SPG11: variants seen among roughly 807,000 people sequenced by gnomAD.
The protein encoded by SPG11 is spatacsin.
In SPG11, 222 loss-of-function variants were observed where a neutral mutation model predicts 274.0. That is an observed-to-expected ratio of 0.81 (90% CI 0.73 to 0.91). The LOEUF is 0.91. SPG11 is among the 40% of genes least tolerant of loss of function. The pLI, the probability that SPG11 is intolerant of heterozygous loss-of-function variation, is 0.00. For missense variants in SPG11, 3,114 were observed against 2,872.7 expected (o/e 1.08, Z -1.92); for synonymous variants, 1,144 against 1,039.7 (o/e 1.10, Z -1.93).
At chr15:44,615,083 C>A (rs1021205349) in intron 16 of SPG11, among the ~76,000 whole-genome samples, 1 of 152,184 alleles carries the variant, frequency 6.6e-6, no homozygotes, top group East Asian at 1.9e-4. Context: ...TCCTCTCAAA[C>A]CTTTTAAAGC....
chr15:44,617,094 C>G (rs2083608719), intron 15 of SPG11, among the ~76,000 whole-genome samples: 1 of 152,146 alleles, frequency 6.6e-6, no homozygotes. Flanking sequence ...CCAGTGTCCT[C>G]AGACTTCTGT....
At chr15:44,633,978 A>C (rs2084161913) in intron 7 of SPG11, among the ~76,000 whole-genome samples, 1 of 152,042 alleles carries the variant, frequency 6.6e-6, no homozygotes, top group Admixed American at 6.6e-5. Context: ...AGTTCGGATT[A>C]CAGGTGCCCG....
At chr15:44,583,520 A>G (rs1379175565) in intron 30 of SPG11, among the ~76,000 whole-genome samples, 2 of 152,196 alleles carry the variant, frequency 1.3e-5, no homozygotes, top group Non-Finnish European at 2.9e-5. Flanking sequence ...TATACTATCA[A>G]TGTAAGACTG....
At chr15:44,662,115 A>T (rs2085127278) in intron 1 of SPG11, among the ~76,000 whole-genome samples, 1 of 152,178 alleles carries the variant, frequency 6.6e-6, no homozygotes, top group Non-Finnish European at 1.5e-5. Flanking sequence ...ACTGCTAAAT[A>T]AACTAATTTC....
intron 7 of SPG11, among the ~76,000 whole-genome samples, chr15:44,639,839 T>A (rs1009644667): frequency 2.6e-5 from 4 of 152,172 alleles, no homozygotes; most frequent in African/African-American, 9.7e-5. Context: ...ATTTAACAAA[T>A]TTGCTGGATA....
At position 44,565,918 on chromosome 15, in the gene SPG11, A is replaced by C. The variant is rs1489813617; in HGVS notation, c.6935T>G (p.Met2312Arg). 15 of 1,613,810 alleles carry C rather than the reference A, an allele frequency of 9.3e-6. No homozygotes were observed. Among genetic ancestry groups the C allele is most frequent in the Non-Finnish European group, 1.3e-5 (15 of 1,179,986 alleles). ...CTTGTGGCGGCCCAAGTTGATGAGC[A>C]TTGTGTTCTGGCCAGTGTTCAGAAA... Reference protein sequence around the residue: ...IHFLNTGQNTMLINLGRHKLM... With the variant: ...IHFLNTGQNTRLINLGRHKLM... The change falls in exon 38 of 40, where the codon ATG becomes AGG. Residue 2312 changes from methionine to arginine, a missense_variant. Coordinates refer to ENST00000261866, the MANE Select transcript of SPG11 (RefSeq NM_025137.4).
In SPG11 at chr15:44,636,186, T is replaced by C. The variant is rs77683449; in HGVS notation, c.1603-2549A>G. Among the ~76,000 whole-genome samples the C allele has an allele frequency of 6.1e-3, 921 of 152,028 alleles. 26 individuals are homozygous for C. The East Asian group carries it at 0.089, about 15-fold the overall frequency. On this transcript the variant is annotated intron_variant, in intron 7 of 39. Coordinates refer to ENST00000261866, the MANE Select transcript of SPG11 (RefSeq NM_025137.4). ...AGGTGAGACATATTGGTGGGAGTTA[T>C]GTTGGAGGAAGAAAAAACAGGACAA...
chr15:44,581,913 C>A (rs1228486869), intron 30 of SPG11, among the ~76,000 whole-genome samples: 2 of 152,062 alleles, frequency 1.3e-5, no homozygotes, highest in African/African-American at 4.8e-5. Context: ...TACAAAGATG[C>A]AGAGTCAAAA....
intron 4 of SPG11, 32 bp downstream of exon 4, chr15:44,657,063 C>T: frequency 6.3e-7 from 1 of 1,592,226 alleles, no homozygotes. Flanking sequence ...TAACTATTTA[C>T]CTCAAATTAG....
chr15:44,626,496 G>A lies in SPG11; in HGVS notation c.2079C>T (p.Ala693=), dbSNP rs776740393. The change falls in exon 11 of 40, where the codon GCC becomes GCT. Residue 693 remains alanine, a synonymous_variant. Transcript: ENST00000261866. ...GTATTTTGTTGTTTAAAATGGCGCTGGCAATAACTTCCTAGGAAAAGAAAA... is the reference window on the plus strand; with the variant it reads ...GTATTTTGTTGTTTAAAATGGCGCTAGCAATAACTTCCTAGGAAAAGAAAA... ...WKKLSFEEVI[A]SAILNNKIPE... 2.2e-5 allele frequency: 35 copies of A among 1,613,528 alleles called. No individual in the cohort carries two copies. The highest frequency in any genetic ancestry group is 2.9e-5 in the Non-Finnish European group (34 of 1,179,874).
intron 4 of SPG11, among the ~76,000 whole-genome samples, chr15:44,654,173 TAA>T (rs1017503222): frequency 4.6e-5 from 7 of 152,210 alleles, no homozygotes; most frequent in African/African-American, 9.6e-5. Context: ...CATGAATGCA[TAA>T]AAGTTACATA....
intron 15 of SPG11, among the ~76,000 whole-genome samples, chr15:44,619,963 G>A (rs553920900): frequency 2.0e-5 from 3 of 152,026 alleles, no homozygotes; most frequent in African/African-American, 4.8e-5. Flanking sequence ...TGATCTGCCC[G>A]CCTTGGCCTC....
chr15:44,563,361 GAC>G, intron 39 of SPG11, 60 bp from the exon 40 acceptor site: 1 of 1,509,482 alleles, frequency 6.6e-7, no homozygotes, highest in African/African-American at 1.4e-5. Flanking sequence ...TTTTGTTTGA[GAC>G]AGTCTTACTC....
At chr15:44,568,526 G>T (rs1441022069) in intron 35 of SPG11, among the ~76,000 whole-genome samples, 1 of 152,226 alleles carries the variant, frequency 6.6e-6, no homozygotes, top group Non-Finnish European at 1.5e-5. Context: ...CAGGTACTGT[G>T]AGGAGTATGC....
intron 34 of SPG11, 25 bp downstream of exon 34, chr15:44,570,500 G>C (rs2082399611): frequency 6.2e-7 from 1 of 1,613,896 alleles, no homozygotes; most frequent in African/African-American, 1.3e-5. Flanking sequence ...ACAGGATGGA[G>C]ACTGGGGTTG....
At chr15:44,642,098 G>A (rs142693873) in intron 7 of SPG11, among the ~76,000 whole-genome samples, 25 of 151,990 alleles carry the variant, frequency 1.6e-4, no homozygotes, top group African/African-American at 6.0e-4. Context: ...CAGGCATGGT[G>A]GCTCACACCT....
At position 44,564,750 on chromosome 15, in the gene SPG11, T is replaced by C. The variant is rs1567125048; in HGVS notation, c.7000-52A>G. The C allele has an allele frequency of 1.9e-6, 3 of 1,597,890 alleles. No homozygotes were observed. The African/African-American group carries it at 4.0e-5, about 21-fold the overall frequency. On this transcript the variant is annotated intron_variant, in intron 38 of 39. Coordinates refer to ENST00000261866, the MANE Select transcript of SPG11 (RefSeq NM_025137.4). ...CCATCAGAGCCCATCTGATGTAAAA[T>C]CAAAAACAAACTGTTGTAGAAAACA...
intron 26 of SPG11, among the ~76,000 whole-genome samples, chr15:44,592,799 G>A (rs904693059): frequency 6.6e-6 from 1 of 151,948 alleles, no homozygotes; most frequent in Admixed American, 6.6e-5. Flanking sequence ...CATCCTGGGC[G>A]ACAGAGTGAG....
chr15:44,601,267 ATTTTT>A (rs923126733), intron 20 of SPG11, among the ~76,000 whole-genome samples: 23 of 148,800 alleles, frequency 1.5e-4, no homozygotes, highest in Non-Finnish European at 3.1e-4. Flanking sequence ...TTGATTTTTT[ATTTTT>A]TTTTTTAAGA....
Sources: gnomAD v4.1 joint callset for allele counts (sites outside exome capture counted in the v4.1 genomes callset) on GRCh38, gnomAD v4.1.1 for gene constraint, MANE v1.5 for transcripts, NCBI Gene and HGNC (gene_info 2026-07-23, HGNC 2026-07-21) for gene names.